The following EME1 variants were observed in gnomAD, a reference collection of about 807,000 sequenced individuals.
The protein encoded by EME1 is structure-specific endonuclease subunit EME1.
EME1 carries 61 observed loss-of-function variants against 59.1 expected under a neutral mutation model. That is an observed-to-expected ratio of 1.03 (90% CI 0.84 to 1.28). The LOEUF (loss-of-function observed/expected upper bound fraction) is 1.28, where lower values mean the gene tolerates loss of function less well. Ranked by LOEUF, EME1 falls within the 50% of genes most tolerant of loss-of-function variation. The pLI is 0.00. For synonymous variants in EME1, 230 were observed against 254.2 expected (o/e 0.90, Z 0.90); for missense variants, 635 against 682.6 (o/e 0.93, Z 0.78).
rs766142936 is a variant in EME1 at position 50,379,581 on chromosome 17, G to A, written c.1346+14G>A. On this transcript the variant is annotated intron_variant, in intron 7 of 8. Transcript: ENST00000338165. ...GGCGCCCTTCAAGTGAGTAACCCCA[G>A]CAAGTCCAGCCTCCATGCTGGGCCT... 1.2e-6 allele frequency: 2 copies of A among 1,611,420 alleles called. No homozygotes were observed. The highest frequency in any genetic ancestry group is 3.3e-5 in the Admixed American group (2 of 59,900).
rs963721480 is a variant in EME1 at position 50,373,257 on chromosome 17, G to A, written c.-45G>A. ...TCCGGGCCCTGCGTGGCAGTTGAAA[G>A]AGTGGCGGGAGAAGTTGCAGGTGAG... On this transcript the variant is annotated 5_prime_UTR_variant, in exon 1 of 9. Transcript: ENST00000338165. The A allele has an allele frequency of 6.4e-6, 10 of 1,573,934 alleles. No individual in the cohort carries two copies. The East Asian group carries it at 1.8e-4, about 29-fold the overall frequency.
In EME1 at chr17:50,375,390, A is replaced by T. The variant is rs1329207323; in HGVS notation, c.182A>T (p.Glu61Val). ...GAAGCCTCCTGTCCTCCAGCACCAG[A>T]GTTATTTTCACCACCTGTCCCAGAA... ...DCEASCPPAP[E>V]LFSPPVPEIA... is the part of the protein sequence containing the mutation. Residue 61 changes from glutamate to valine, a missense_variant, in exon 2 of 9, where the codon GAG (glutamate) becomes GTG (valine). Transcript: ENST00000338165. 1 of 1,614,090 alleles carries T rather than the reference A, an allele frequency of 6.2e-7. No individual in the cohort carries two copies. Among genetic ancestry groups the T allele is most frequent in the Non-Finnish European group, 8.5e-7 (1 of 1,180,050 alleles).
chr17:50,374,520 T>C (rs939972288), intron 1 of EME1, among the ~76,000 whole-genome samples: 1 of 152,086 alleles, frequency 6.6e-6, no homozygotes, highest in South Asian at 2.1e-4. Flanking sequence ...ATTATACGCA[T>C]GAGCTACCAT....
intron 1 of EME1, among the ~76,000 whole-genome samples, chr17:50,373,565 T>C (rs1374218175): frequency 6.6e-6 from 1 of 152,212 alleles, no homozygotes; most frequent in African/African-American, 2.4e-5. Flanking sequence ...GGATGCATTA[T>C]TTTATTTAAT....
At chr17:50,378,433 G>A (rs549889868) in intron 3 of EME1, among the ~76,000 whole-genome samples, 162 bp from the exon 4 acceptor site, 57 of 152,326 alleles carry the variant, frequency 3.7e-4, no homozygotes, top group African/African-American at 1.3e-3. Context: ...AGGGCTGGGA[G>A]GGACAGCGAC....
chr17:50,375,783 T>C lies in EME1; in HGVS notation c.575T>C (p.Ile192Thr). 6.2e-7 allele frequency: 1 copy of C among 1,613,974 alleles called. No homozygotes were observed. Among genetic ancestry groups the C allele is most frequent in the Non-Finnish European group, 8.5e-7 (1 of 1,179,990 alleles). ...GCAGTAACCAAAACAAATTCTGACATCCTTCCACCCCAGAAGAAAACCAAG... is the reference window on the plus strand; with the variant it reads ...GCAGTAACCAAAACAAATTCTGACACCCTTCCACCCCAGAAGAAAACCAAG... Reference protein sequence around the residue: ...SLAVTKTNSDILPPQKKTKPS... With the variant: ...SLAVTKTNSDTLPPQKKTKPS... Residue 192 changes from isoleucine to threonine, a missense_variant, in exon 2 of 9, where the codon ATC becomes ACC. By Grantham distance (89) the Ile-to-Thr change is moderately conservative. Coordinates refer to ENST00000338165, the MANE Select transcript of EME1 (RefSeq NM_152463.4).
intron 1 of EME1, among the ~76,000 whole-genome samples, 174 bp downstream of exon 1, chr17:50,373,451 T>C (rs1470622071): frequency 6.6e-6 from 1 of 152,220 alleles, no homozygotes; most frequent in Non-Finnish European, 1.5e-5. Flanking sequence ...GATTTGCAGA[T>C]GTCAACGGAG....
In EME1 at chr17:50,375,156, T is replaced by C. The variant is rs138848514; in HGVS notation, c.-24-29T>C. 28 of 1,564,856 alleles carry C rather than the reference T, an allele frequency of 1.8e-5. No individual in the cohort carries two copies. The African/African-American group carries it at 3.5e-4, about 20-fold the overall frequency. On this transcript the variant is annotated intron_variant, in intron 1 of 8. Transcript: ENST00000338165. The stretch of plus-strand genomic sequence containing the variant: ...TAGTGGACTGAATTGAATGCTCCAG[T>C]CTGTGTCATATGTCTCTTTTCCTTT...
Position 50,379,116 on chromosome 17 carries a change from T to A in EME1, c.1122T>A (p.Asn374Lys). ...TCCTCCCCTGCACCAGTGCTCAGAA[T>A]CCTCCAAGAAGAGGGAAACAGGGAG... is the stretch of plus-strand genomic sequence containing the variant. ...VDQEKCFSAQ[N>K]PPRRGKQGAN... The change falls in exon 6 of 9, where the codon AAT becomes AAA. Residue 374 changes from asparagine (N) to lysine (K), a missense_variant. Asn to Lys is a moderately conservative substitution (Grantham distance 94, BLOSUM62 0). Transcript: ENST00000338165. The A allele has an allele frequency of 6.2e-7, 1 of 1,614,002 alleles. No homozygotes were observed. The highest frequency in any genetic ancestry group is 1.7e-5 in the Admixed American group (1 of 60,014).
intron 1 of EME1, 60 bp downstream of exon 1, chr17:50,373,337 C>T (rs974364414): frequency 2.3e-6 from 2 of 882,398 alleles, no homozygotes; most frequent in East Asian, 5.3e-5. Context: ...GAACACCGCT[C>T]TGCAGAATCT....
chr17:50,380,350 A>G lies in EME1; in HGVS notation c.1385A>G (p.Glu462Gly). Reference sequence around the variant, plus strand: ...GAAACTACCTTCTCCTTCTGTCTGGAGAGTGACTGGGCTGGAGGGGTGAAG... The same window carrying G: ...GAAACTACCTTCTCCTTCTGTCTGGGGAGTGACTGGGCTGGAGGGGTGAAG... ...RDETTFSFCL[E>G]SDWAGGVKVD... The change falls in exon 8 of 9, where the codon GAG becomes GGG. Residue 462 changes from glutamate (E) to glycine (G), a missense_variant. Physicochemically the swap from Glu to Gly is moderately conservative, Grantham distance 98. Coordinates refer to ENST00000338165, the MANE Select transcript of EME1 (RefSeq NM_152463.4). 1 of 1,613,460 alleles carries G rather than the reference A, an allele frequency of 6.2e-7. No homozygotes were observed. Among genetic ancestry groups the G allele is most frequent in the Non-Finnish European group, 8.5e-7 (1 of 1,179,724 alleles).
chr17:50,375,538 G>A lies in EME1; in HGVS notation c.330G>A (p.Leu110=), dbSNP rs779198639. 3.3e-5 allele frequency: 54 copies of A among 1,614,092 alleles called. No homozygotes were observed. Among genetic ancestry groups the A allele is most frequent in the Non-Finnish European group, 4.4e-5 (52 of 1,180,008 alleles). ...LTCKFLTHKQ[L]SPEDSSSPVK... Reference sequence around the variant, plus strand: ...GTAAGTTTCTGACCCACAAGCAACTGAGCCCTGAGGACTCTAGCTCCCCAG... The same window carrying A: ...GTAAGTTTCTGACCCACAAGCAACTAAGCCCTGAGGACTCTAGCTCCCCAG... The change falls in exon 2 of 9, where the codon CTG becomes CTA. Residue 110 remains leucine (L), a synonymous_variant. Transcript: ENST00000338165.
rs1047078236 is a variant in EME1, at chr17:50,379,699, A to G, written c.1346+132A>G. ...TGTCTCTCAAGCTTGAGGCAGAAGG[A>G]GCTGACCTCACACTGGGGATTCTTG... is the stretch of plus-strand genomic sequence containing the variant. On this transcript the variant is annotated intron_variant, in intron 7 of 8. Transcript: ENST00000338165. 347 of 741,532 alleles carry G rather than the reference A, an allele frequency of 4.7e-4. 2 individuals are homozygous for G. Among genetic ancestry groups the G allele is most frequent in the Non-Finnish European group, 2.4e-4 (110 of 451,978 alleles). 45.9% of individuals were successfully genotyped at this position (741,532 alleles called of 1,614,324 possible). A position where few individuals can be genotyped will look rare whatever the true frequency, so the allele number is the denominator to read the frequency against.
At chr17:50,376,870 C>T (rs1913500422) in intron 3 of EME1, among the ~76,000 whole-genome samples, 1 of 152,108 alleles carries the variant, frequency 6.6e-6, no homozygotes. Flanking sequence ...CAGCTGGGAG[C>T]CAGAAGACAT....
In EME1 at chr17:50,378,797, A is replaced by G; in HGVS notation, c.1014A>G (p.Lys338=). ...AGGGAAGCCTGGACAGCACTATGAA[A>G]GGGAAGGAAACGCTTCAGGGCTTTG... ...GKQGSLDSTM[K]GKETLQGFVT... is the part of the protein sequence containing the mutation. The change falls in exon 5 of 9, where the codon AAA becomes AAG. Residue 338 remains lysine (K), a synonymous_variant. Transcript: ENST00000338165. The G allele has an allele frequency of 6.2e-7, 1 of 1,614,202 alleles. No homozygotes were observed.
At chr17:50,380,227 TGG>T in intron 7 of EME1, 83 bp from the exon 8 acceptor site, 1 of 1,352,168 alleles carries the variant, frequency 7.4e-7, no homozygotes, top group Non-Finnish European at 1.0e-6. Flanking sequence ...CCAAGGTCAG[TGG>T]GGGGGTTTTC....
intron 1 of EME1, among the ~76,000 whole-genome samples, chr17:50,374,806 T>C (rs904913643): frequency 5.3e-5 from 8 of 151,650 alleles, no homozygotes; most frequent in African/African-American, 1.9e-4. Context: ...ATTGTGCCAC[T>C]GCACTCCAAC....
At chr17:50,379,896 C>T (rs563163820) in intron 7 of EME1, 3 of 327,740 alleles carry the variant, frequency 9.2e-6, no homozygotes, top group Admixed American at 4.4e-5. Context: ...TTTTGGCCTA[C>T]TCAGTTCAAG....
In EME1 at chr17:50,376,125, C is replaced by CG; in HGVS notation, c.836dup (p.Cys280LeufsTer4). On this transcript the variant is annotated frameshift_variant, in exon 3 of 9. Coordinates refer to ENST00000338165, the MANE Select transcript of EME1 (RefSeq NM_152463.4). LOFTEE classifies it high-confidence loss of function. ...AGGAGCACTGCAGACCATGGAGTGC[C>CG]GCTGTGTGATTGAGGCGCAGGCTGT... 2 of 1,614,042 alleles carry CG rather than the reference C, an allele frequency of 1.2e-6. No homozygotes were observed. Among genetic ancestry groups the CG allele is most frequent in the Non-Finnish European group, 1.7e-6 (2 of 1,180,020 alleles).
Sources: gnomAD v4.1 joint callset for allele counts (sites outside exome capture counted in the v4.1 genomes callset) on GRCh38, gnomAD v4.1.1 for gene constraint, MANE v1.5 for transcripts, NCBI Gene and HGNC (gene_info 2026-07-23, HGNC 2026-07-21) for gene names.